The following ARID3A variants were observed in gnomAD, a reference collection of about 807,000 sequenced individuals.
ARID3A encodes the protein AT-rich interaction domain 3A.
In ARID3A, 11 loss-of-function variants were observed where a neutral mutation model predicts 52.7. The ratio of observed to expected loss-of-function variants is 0.21; its 90% CI spans 0.13 to 0.35. The LOEUF (loss-of-function observed/expected upper bound fraction) is 0.35, where lower values mean the gene tolerates loss of function less well. Ranked by LOEUF, ARID3A falls within the 10% of genes least tolerant of loss-of-function variation. ARID3A has a pLI of 1.00. For synonymous variants in ARID3A, 404 were observed against 359.4 expected (o/e 1.12, Z -1.40); for missense variants, 721 against 838.5 (o/e 0.86, Z 1.73).
In ARID3A at chr19:929,973, G is replaced by C. The variant is rs2037287460; in HGVS notation, c.368+77G>C. On this transcript the variant is annotated intron_variant, in intron 2 of 8. Transcript: ENST00000263620. This position sits in a 1 kb window ranked among gnomAD's most constrained non-coding sequence, Gnocchi z 6.2. Reference sequence around the variant, plus strand: ...TGTCACTCTGCTCATCTGCAGAATGGGAGTAAGGGTCAGGTCGCGGGATCT... The same window carrying C: ...TGTCACTCTGCTCATCTGCAGAATGCGAGTAAGGGTCAGGTCGCGGGATCT... 4 of 1,510,478 alleles carry C rather than the reference G, an allele frequency of 2.6e-6. No homozygotes were observed. The highest frequency in any genetic ancestry group is 2.7e-6 in the Non-Finnish European group (3 of 1,129,966). 93.6% of individuals were successfully genotyped at this position (1,510,478 alleles called of 1,614,324 possible). A position where few individuals can be genotyped will look rare whatever the true frequency, so the allele number is the denominator to read the frequency against.
intron 3 of ARID3A, among the ~76,000 whole-genome samples, chr19:955,558 C>T (rs1408575680): frequency 1.3e-5 from 2 of 152,160 alleles, no homozygotes; most frequent in African/African-American, 2.4e-5. Context: ...TGCTGCCTGG[C>T]GCCTCGGTTT....
chr19:970,810 A>G (rs1281639936), intron 8 of ARID3A, among the ~76,000 whole-genome samples: 2 of 151,976 alleles, frequency 1.3e-5, no homozygotes, highest in Non-Finnish European at 2.9e-5. Flanking sequence ...AGTCAGGCCG[A>G]TGGTTCATAG....
intron 6 of ARID3A, 108 bp downstream of exon 6, chr19:965,188 C>T: frequency 2.3e-6 from 3 of 1,316,898 alleles, no homozygotes; most frequent in South Asian, 1.5e-5. Flanking sequence ...GATGAAAAAC[C>T]CTATAGTTGG....
chr19:960,765 AG>A lies in ARID3A; in HGVS notation c.766+604del, dbSNP rs1310026346. Among the ~76,000 whole-genome samples the A allele has an allele frequency of 6.6e-6, 1 of 152,116 alleles. No homozygotes were observed. Among genetic ancestry groups the A allele is most frequent in the Non-Finnish European group, 1.5e-5 (1 of 68,020 alleles). On this transcript the variant is annotated intron_variant, in intron 4 of 8. Transcript: ENST00000263620. The surrounding 1 kb of genome is among the most constrained non-coding windows in gnomAD (Gnocchi z 4.3). ...CAGGTACCCCAGATGTGCTGAGTGC[AG>A]GGCCGCTGTTTACTGTGCACACTTA...
rs1284444131 is a variant in ARID3A at position 932,692 on chromosome 19, C to A, written c.643C>A (p.Leu215Met). 4 of 1,546,904 alleles carry A rather than the reference C, an allele frequency of 2.6e-6. No homozygotes were observed. Among genetic ancestry groups the A allele is most frequent in the South Asian group, 1.2e-5 (1 of 83,956 alleles). Residue 215 changes from leucine to methionine, a missense_variant, in exon 3 of 9, where the codon CTG (leucine) becomes ATG (methionine). Coordinates refer to ENST00000263620, the MANE Select transcript of ARID3A (RefSeq NM_005224.3). ...AGGGGCCGCCCACGTAGCCCCGCAG[C>A]TGCAGCCGCCTGACCACGGCGACTG... is the stretch of plus-strand genomic sequence containing the variant. ...PGGAAHVAPQLQPPDHGDWTY... is the reference protein window; with the variant it reads ...PGGAAHVAPQMQPPDHGDWTY...
upstream of ARID3A, chr19:925,832 G>A (rs1180827164): frequency 6.6e-6 from 1 of 152,270 alleles, no homozygotes; most frequent in East Asian, 1.9e-4. Context: ...TCAGACCGCG[G>A]GAGGGGGGCG....
At position 973,752 on chromosome 19, in the gene ARID3A, A is replaced by C. The variant is rs1345753533; in HGVS notation, c.*1687A>C. ...TTCTGCGGTGACTAAATCGAGGCCG[A>C]GAAGGGAGGCTGCCCCCCACCACCC... On this transcript the variant is annotated 3_prime_UTR_variant, in exon 9 of 9. Coordinates refer to ENST00000263620, the MANE Select transcript of ARID3A (RefSeq NM_005224.3). 1 of 228,164 alleles carries C rather than the reference A, an allele frequency of 4.4e-6. No individual in the cohort carries two copies. Among genetic ancestry groups the C allele is most frequent in the Non-Finnish European group, 8.7e-6 (1 of 115,072 alleles). The allele number at this position is 228,164 out of a possible 1,614,324, so 14.1% of individuals were successfully genotyped here. A position where few individuals can be genotyped will look rare whatever the true frequency, so the allele number is the denominator to read the frequency against.
rs1001234071 is a variant in ARID3A at position 938,502 on chromosome 19, A to G, written c.693+5760A>G. 2.0e-5 allele frequency among the ~76,000 whole-genome samples: 3 copies of G among 152,202 alleles called. No individual in the cohort carries two copies. The highest frequency in any genetic ancestry group is 7.2e-5 in the African/African-American group (3 of 41,458). On this transcript the variant is annotated intron_variant, in intron 3 of 8. Coordinates refer to ENST00000263620, the MANE Select transcript of ARID3A (RefSeq NM_005224.3). This position sits in a 1 kb window ranked among gnomAD's most constrained non-coding sequence, Gnocchi z 4.0. ...TCAGAGCTGGAATTTGACCCCCGGG[A>G]TGCACCTGCCAGAGAGGACCCAGCG... is the stretch of plus-strand genomic sequence containing the variant.
intron 1 of ARID3A, among the ~76,000 whole-genome samples, chr19:927,216 C>A (rs1032246343): frequency 6.6e-6 from 1 of 152,172 alleles, no homozygotes; most frequent in Non-Finnish European, 1.5e-5. Flanking sequence ...CTCCGCCCCC[C>A]ACCCCTGCCT....
In ARID3A at chr19:929,611, C is replaced by T. The variant is rs1160823369; in HGVS notation, c.83C>T (p.Pro28Leu). 10 of 1,524,572 alleles carry T rather than the reference C, an allele frequency of 6.6e-6. No homozygotes were observed. Among genetic ancestry groups the T allele is most frequent in the African/African-American group, 1.4e-5 (1 of 71,462 alleles). The allele number at this position is 1,524,572 out of a possible 1,614,324, so 94.4% of individuals were successfully genotyped here. Reference sequence around the variant, plus strand: ...GAGCTGGAGGCCCGGCAGCAGCTGCCCCCCGATCCCCCTGCTGCACCCCCC... The same window carrying T: ...GAGCTGGAGGCCCGGCAGCAGCTGCTCCCCGATCCCCCTGCTGCACCCCCC... ...RQELEARQQL[P>L]PDPPAAPPGR... Residue 28 changes from proline (P) to leucine (L), a missense_variant, in exon 2 of 9, where the codon CCC (proline) becomes CTC (leucine). Physicochemically the swap from Pro to Leu is moderately conservative, Grantham distance 98. Around this residue, in one of 5 missense-constraint regions of ARID3A, gnomAD observed 349 missense variants for 297.3 expected, o/e 1.17. Coordinates refer to ENST00000263620, the MANE Select transcript of ARID3A (RefSeq NM_005224.3). The surrounding 1 kb of genome is among the most constrained non-coding windows in gnomAD (Gnocchi z 6.2).
intron 3 of ARID3A, among the ~76,000 whole-genome samples, chr19:940,544 C>A (rs538750774): frequency 6.6e-6 from 1 of 152,160 alleles, no homozygotes; most frequent in East Asian, 1.9e-4. Flanking sequence ...AAGAGGCCAA[C>A]ACTGCAGCTG....
chr19:958,590 G>A (rs1240807138), intron 3 of ARID3A, among the ~76,000 whole-genome samples: 1 of 152,092 alleles, frequency 6.6e-6, no homozygotes, highest in Admixed American at 6.6e-5. Flanking sequence ...AGATGGGACG[G>A]TGGTCCCACA....
At position 941,115 on chromosome 19, in the gene ARID3A, AGCGCCGGCCCC is replaced by A. The variant is rs1380933689; in HGVS notation, c.693+8376_693+8386del. 6.6e-6 allele frequency among the ~76,000 whole-genome samples: 1 copy of A among 152,096 alleles called. No individual in the cohort carries two copies. Among genetic ancestry groups the A allele is most frequent in the African/African-American group, 2.4e-5 (1 of 41,444 alleles). On this transcript the variant is annotated intron_variant, in intron 3 of 8. Transcript: ENST00000263620. The surrounding 1 kb of genome is among the most constrained non-coding windows in gnomAD (Gnocchi z 6.9). ...CGTCCCACCCTGGTGGCTGCTGCCA[AGCGCCGGCCCC>A]GCCCCATGCTTTCTAATAACACACG...
intron 8 of ARID3A, among the ~76,000 whole-genome samples, chr19:970,056 T>G (rs1053250277): frequency 4.6e-5 from 7 of 152,080 alleles, no homozygotes; most frequent in African/African-American, 1.7e-4. Context: ...AGGTCACACC[T>G]GTAATCCCAG....
At chr19:969,797 C>G (rs1008013117) in intron 8 of ARID3A, among the ~76,000 whole-genome samples, 1 of 150,426 alleles carries the variant, frequency 6.6e-6, no homozygotes, top group South Asian at 2.1e-4. Context: ...GAGCGATTCT[C>G]CTGCCTCAGC....
intron 3 of ARID3A, among the ~76,000 whole-genome samples, chr19:949,780 A>G (rs2145413053): frequency 6.8e-6 from 1 of 148,116 alleles, no homozygotes; most frequent in Non-Finnish European, 1.5e-5. Flanking sequence ...GGTTCAAGTG[A>G]TTCTCCCACC....
intron 3 of ARID3A, among the ~76,000 whole-genome samples, chr19:937,136 C>G (rs10414086): frequency 6.6e-6 from 1 of 151,834 alleles, no homozygotes; most frequent in East Asian, 1.9e-4. Context: ...GGTGTGGTGG[C>G]GGGCACCTAT....
At position 942,786 on chromosome 19, in the gene ARID3A, C is replaced by T. The variant is rs188882877; in HGVS notation, c.693+10044C>T. On this transcript the variant is annotated intron_variant, in intron 3 of 8. Transcript: ENST00000263620. The surrounding 1 kb of genome is among the most constrained non-coding windows in gnomAD (Gnocchi z 8.1). ...CATGCCCAGCAGCCTCCTCTGCCAC[C>T]CTCAGAGACGGAGAACGTGAGAGCA... Among the ~76,000 whole-genome samples the T allele has an allele frequency of 7.9e-5, 12 of 152,332 alleles. No homozygotes were observed. Among genetic ancestry groups the T allele is most frequent in the African/African-American group, 2.6e-4 (11 of 41,572 alleles).
chr19:931,095 A>G (rs768773776), intron 2 of ARID3A, among the ~76,000 whole-genome samples: 7 of 151,722 alleles, frequency 4.6e-5, no homozygotes, highest in Non-Finnish European at 8.8e-5. Context: ...GGAGTTCAAG[A>G]CCAGCCTGGG....
Sources: allele counts gnomAD v4.1 joint callset (sites outside exome capture counted in the v4.1 genomes callset), GRCh38; gene constraint gnomAD v4.1.1; regional missense constraint gnomAD v4.1.1; non-coding constraint Gnocchi (gnomAD v3.1); transcripts MANE v1.5; gene names NCBI Gene and HGNC (gene_info 2026-07-23, HGNC 2026-07-21).